SEC14L1: variants seen among roughly 807,000 people sequenced by gnomAD.
SEC14L1 encodes SEC14 like lipid binding 1.
A neutral mutation model predicts 85.3 loss-of-function variants in SEC14L1; 48 were observed. The observed-to-expected ratio is 0.56, with a 90% confidence interval of 0.45 to 0.72. The LOEUF is 0.72. Ranked by LOEUF, SEC14L1 falls within the 30% of genes least tolerant of loss-of-function variation. The pLI, the probability that SEC14L1 is intolerant of heterozygous loss-of-function variation, is 0.00. For missense variants in SEC14L1, 682 were observed against 921.4 expected (o/e 0.74, Z 3.36); for synonymous variants, 391 against 355.5 (o/e 1.10, Z -1.12).
chr17:77,157,975 T>C (rs1973884236), intron 3 of SEC14L1, among the ~76,000 whole-genome samples: 2 of 152,118 alleles, frequency 1.3e-5, no homozygotes, highest in South Asian at 4.1e-4. Flanking sequence ...ATTGCTGTTC[T>C]TGAGTTTATT....
intron 3 of SEC14L1, among the ~76,000 whole-genome samples, chr17:77,144,411 C>T (rs151230041): frequency 6.6e-6 from 1 of 152,168 alleles, no homozygotes; most frequent in Admixed American, 6.5e-5. Flanking sequence ...TCCCCTGGTT[C>T]AAGTGAGCCA....
chr17:77,121,368 C>T (rs770502594), intron 3 of SEC14L1, among the ~76,000 whole-genome samples: 9 of 151,934 alleles, frequency 5.9e-5, no homozygotes, highest in Non-Finnish European at 1.0e-4. Flanking sequence ...TGTGCACTAT[C>T]TTTTTTTTGA....
upstream of SEC14L1, among the ~76,000 whole-genome samples, chr17:77,139,316 C>G (rs1021488221): frequency 2.0e-5 from 3 of 152,012 alleles, no homozygotes; most frequent in African/African-American, 7.2e-5. Context: ...GGATTACAGG[C>G]ATCTGGCACC....
At chr17:77,163,667 A>C (rs1974164036) in intron 3 of SEC14L1, among the ~76,000 whole-genome samples, 1 of 152,166 alleles carries the variant, frequency 6.6e-6, no homozygotes, top group Non-Finnish European at 1.5e-5. Flanking sequence ...ATTCACATGG[A>C]TATTCAGTCT....
rs139227620 is a variant in SEC14L1, at chr17:77,200,572, C to T, written c.908C>T (p.Thr303Met). The T allele has an allele frequency of 5.9e-5, 95 of 1,613,884 alleles. 1 individual carries two copies. Among genetic ancestry groups the T allele is most frequent in the East Asian group, 2.2e-5 (1 of 44,896 alleles). Reference protein sequence around the residue: ...KAREIMCQSLTWRKQHQVDYI... With the variant: ...KAREIMCQSLMWRKQHQVDYI... ...AGAGAGATCATGTGTCAGTCTTTGACGTGGAGAAAGCAGCATCAGGTAGAC... is the reference window on the plus strand; with the variant it reads ...AGAGAGATCATGTGTCAGTCTTTGATGTGGAGAAAGCAGCATCAGGTAGAC... Residue 303 changes from threonine (T) to methionine (M), a missense_variant, in exon 9 of 17, where the codon ACG (threonine) becomes ATG (methionine). By Grantham distance (81) the Thr-to-Met change is moderately conservative. Transcript: ENST00000436233.
At chr17:77,200,380 GC>G in intron 8 of SEC14L1, 103 bp from the exon 9 acceptor site, 2 of 825,220 alleles carry the variant, frequency 2.4e-6, no homozygotes, top group Non-Finnish European at 3.8e-6. Context: ...TATTGGCCAG[GC>G]TGGTCTTGAA....
At chr17:77,092,792 T>TA (rs1231365837) in intron 2 of SEC14L1, among the ~76,000 whole-genome samples, 1 of 151,348 alleles carries the variant, frequency 6.6e-6, no homozygotes, top group African/African-American at 2.4e-5. Context: ...TTACTAAAAA[T>TA]ACAAAATTAG....
rs1056981208 is a variant in SEC14L1 at position 77,176,216 on chromosome 17, G to T, written c.64-14587G>T. Among the ~76,000 whole-genome samples the T allele has an allele frequency of 3.9e-5, 6 of 152,104 alleles. No individual in the cohort carries two copies. In the South Asian group the frequency reaches 1.2e-3, roughly 32 times the overall value. ...GAGGCAGGAGAATCACTCAAACCCA[G>T]CAGGCAGAGGTTGCAGCGAGCCGAG... On this transcript the variant is annotated intron_variant, in intron 3 of 16. Transcript: ENST00000436233.
chr17:77,143,746 C>A lies in SEC14L1; in HGVS notation c.63+87C>A, dbSNP rs545524121. ...TTTGATGATCTATAGATTTATTGTTCGTCTCCATGGCATCACTTGAACTTA... is the reference window on the plus strand; with the variant it reads ...TTTGATGATCTATAGATTTATTGTTAGTCTCCATGGCATCACTTGAACTTA... On this transcript the variant is annotated intron_variant, in intron 3 of 16. Transcript: ENST00000436233. 4.2e-6 allele frequency: 4 copies of A among 946,580 alleles called. No individual in the cohort carries two copies. The Admixed American group carries it at 6.2e-5, about 15-fold the overall frequency. 58.6% of individuals were successfully genotyped at this position (946,580 alleles called of 1,614,324 possible).
At chr17:77,178,924 T>C (rs1974881219) in intron 3 of SEC14L1, among the ~76,000 whole-genome samples, 1 of 152,196 alleles carries the variant, frequency 6.6e-6, no homozygotes, top group South Asian at 2.1e-4. Flanking sequence ...AGATGGTCGC[T>C]GGATGTAGTG....
At chr17:77,147,769 T>TA (rs1308177756) in intron 3 of SEC14L1, among the ~76,000 whole-genome samples, 1 of 152,150 alleles carries the variant, frequency 6.6e-6, no homozygotes, top group Non-Finnish European at 1.5e-5. Flanking sequence ...GGGAACCTTC[T>TA]GGGGGGATGG....
chr17:77,106,160 G>A (rs990029731), intron 3 of SEC14L1, among the ~76,000 whole-genome samples: 10 of 152,086 alleles, frequency 6.6e-5, no homozygotes, highest in African/African-American at 2.2e-4. Context: ...TGGGGAAGCC[G>A]AGGTTGGCGG....
chr17:77,187,379 C>G (rs73378313), intron 3 of SEC14L1, among the ~76,000 whole-genome samples: 1 of 151,640 alleles, frequency 6.6e-6, no homozygotes, highest in Non-Finnish European at 1.5e-5. Flanking sequence ...TGCCCCCCCC[C>G]CACACCCCTT....
At position 77,092,086 on chromosome 17, in the gene SEC14L1, G is replaced by A. The variant is rs527883824; in HGVS notation, c.-239-1158G>A. ...AGCCTCCCAAAGTGCTGGGATTACA[G>A]GCCTGAGCCACTACACCTGGCCTGT... On this transcript the variant is annotated intron_variant, in intron 2 of 19. Coordinates refer to the SEC14L1 transcript ENST00000392476. Among the ~76,000 whole-genome samples the A allele has an allele frequency of 1.6e-3, 240 of 152,306 alleles. 1 individual carries two copies. Among genetic ancestry groups the A allele is most frequent in the African/African-American group, 3.5e-3 (147 of 41,576 alleles).
chr17:77,189,224 A>G (rs1975407527), intron 3 of SEC14L1, among the ~76,000 whole-genome samples: 1 of 152,182 alleles, frequency 6.6e-6, no homozygotes, highest in Admixed American at 6.5e-5. Context: ...GTAGACAGAA[A>G]AGGGGTGAGG....
chr17:77,166,440 G>C (rs747966782), intron 3 of SEC14L1, among the ~76,000 whole-genome samples: 3 of 152,136 alleles, frequency 2.0e-5, no homozygotes, highest in Non-Finnish European at 4.4e-5. Context: ...GAAATAGAAT[G>C]GTAACTGGAG....
In SEC14L1 at chr17:77,214,520, G is replaced by T; in HGVS notation, c.*497G>T. The T allele has an allele frequency of 1.0e-6, 1 of 997,898 alleles. No individual in the cohort carries two copies. Among genetic ancestry groups the T allele is most frequent in the Non-Finnish European group, 1.2e-6 (1 of 836,846 alleles). The allele number at this position is 997,898 out of a possible 1,614,324, so 61.8% of individuals were successfully genotyped here. A position where few individuals can be genotyped will look rare whatever the true frequency, so the allele number is the denominator to read the frequency against. ...CTTCCCGCCAGTCAAGATGGTCTGT[G>T]GACTTAGGGCCAGCCCTTGAGGTCC... On this transcript the variant is annotated 3_prime_UTR_variant, in exon 17 of 17. Transcript: ENST00000436233.
At position 77,189,850 on chromosome 17, in the gene SEC14L1, A is replaced by G. The variant is rs568785805; in HGVS notation, c.64-953A>G. On this transcript the variant is annotated intron_variant, in intron 3 of 16. Coordinates refer to ENST00000436233, the MANE Select transcript of SEC14L1 (RefSeq NM_001143998.2). ...TCACCGTGTTAGCCTGGATGGTCTC[A>G]ATCTCCTGACCTCATGATCTGCCCA... 3.3e-5 allele frequency among the ~76,000 whole-genome samples: 5 copies of G among 152,070 alleles called. No homozygotes were observed. The East Asian group carries it at 5.8e-4, about 18-fold the overall frequency.
chr17:77,156,676 GT>G (rs202204152), intron 3 of SEC14L1, among the ~76,000 whole-genome samples: 5 of 145,506 alleles, frequency 3.4e-5, no homozygotes, highest in Admixed American at 6.9e-5. Context: ...TTTGTTTTTT[GT>G]TTTTTTTTTA....
Sources: allele counts gnomAD v4.1 joint callset (sites outside exome capture counted in the v4.1 genomes callset), GRCh38; gene constraint gnomAD v4.1.1; transcripts MANE v1.5; gene names NCBI Gene and HGNC (gene_info 2026-07-23, HGNC 2026-07-21).